Variants in ENTREP2 observed in about 807,000 individuals in gnomAD.
ENTREP2 encodes protein ENTREP2.
chr15:29,313,617 CT>C, the ENTREP2 span, among the ~76,000 whole-genome samples: 1 of 152,170 alleles, frequency 6.6e-6, no homozygotes, highest in Non-Finnish European at 1.5e-5. Flanking sequence ...AAAAATATGC[CT>C]TTCAAAGTAT....
At chr15:29,566,544 C>T in the ENTREP2 span, among the ~76,000 whole-genome samples, 1 of 152,026 alleles carries the variant, frequency 6.6e-6, no homozygotes, top group African/African-American at 2.4e-5. Context: ...GCAACCTCCG[C>T]CTCCTGGGCT....
chr15:29,137,058 C>G, the ENTREP2 span: 8 of 1,450,460 alleles, frequency 5.5e-6, no homozygotes, highest in Admixed American at 3.6e-5. Flanking sequence ...GGACGGTGTG[C>G]AGGTGTACTC....
chr15:29,337,280 C>T, the ENTREP2 span, among the ~76,000 whole-genome samples: 4 of 152,100 alleles, frequency 2.6e-5, 1 homozygote, highest in Admixed American at 2.6e-4. Context: ...CATCTGAAAT[C>T]ACACTGGAAA....
the ENTREP2 span, among the ~76,000 whole-genome samples, chr15:29,199,382 G>A: frequency 6.6e-6 from 1 of 152,210 alleles, no homozygotes; most frequent in East Asian, 1.9e-4. Context: ...GAAGTTCTAA[G>A]AGAATGGGAA....
the ENTREP2 span, among the ~76,000 whole-genome samples, chr15:29,405,160 G>A: frequency 3.3e-5 from 5 of 152,038 alleles, no homozygotes; most frequent in African/African-American, 9.7e-5. Context: ...AGGCCGAGGC[G>A]GGCAGATCAC....
chr15:29,298,441 ATAAT>A, the ENTREP2 span, among the ~76,000 whole-genome samples: 26 of 152,308 alleles, frequency 1.7e-4, 1 homozygote, highest in African/African-American at 6.3e-4. Context: ...CAATTCATTG[ATAAT>A]TAATAAAACT....
the ENTREP2 span, among the ~76,000 whole-genome samples, chr15:29,556,038 G>A: frequency 1.3e-5 from 2 of 152,206 alleles, no homozygotes; most frequent in African/African-American, 2.4e-5. Context: ...TGGGTCGCTT[G>A]AGCCCAGGAG....
the ENTREP2 span, among the ~76,000 whole-genome samples, chr15:29,223,881 T>C: frequency 6.6e-6 from 1 of 152,194 alleles, no homozygotes; most frequent in Admixed American, 6.5e-5. Flanking sequence ...GACAGAGGAC[T>C]GACAGACGTC....
At chr15:29,531,558 A>T in the ENTREP2 span, among the ~76,000 whole-genome samples, 20 of 152,164 alleles carry the variant, frequency 1.3e-4, no homozygotes, top group Non-Finnish European at 1.5e-5. Flanking sequence ...CCATTTTTAA[A>T]TTTTTTAATT....
chr15:29,604,364 CTT>C, the ENTREP2 span, among the ~76,000 whole-genome samples: 2 of 152,050 alleles, frequency 1.3e-5, no homozygotes, highest in Non-Finnish European at 2.9e-5. Flanking sequence ...TTGATGGAGT[CTT>C]TTAAAACTTA....
the ENTREP2 span, among the ~76,000 whole-genome samples, chr15:29,345,004 T>C: frequency 6.6e-6 from 1 of 151,002 alleles, no homozygotes; most frequent in Admixed American, 6.6e-5. Flanking sequence ...ATTACATAAC[T>C]TTCTGGAGGT....
chr15:29,535,743 T>TC, the ENTREP2 span, among the ~76,000 whole-genome samples: 1 of 139,138 alleles, frequency 7.2e-6, no homozygotes, highest in East Asian at 2.0e-4. Context: ...CCAAATATTC[T>TC]TTTTTTTTTT....
the ENTREP2 span, among the ~76,000 whole-genome samples, chr15:29,373,413 A>G: frequency 3.3e-5 from 5 of 152,248 alleles, no homozygotes; most frequent in East Asian, 9.7e-4. Flanking sequence ...TAGGGGAGCA[A>G]AAAGAAATTA....
chr15:29,225,441 G>A, the ENTREP2 span, among the ~76,000 whole-genome samples: 17 of 152,236 alleles, frequency 1.1e-4, no homozygotes, highest in African/African-American at 4.1e-4. Context: ...GATGAACCTT[G>A]AAGATCTTGT....
the ENTREP2 span, among the ~76,000 whole-genome samples, chr15:29,405,737 G>T: frequency 6.6e-6 from 1 of 152,234 alleles, no homozygotes; most frequent in Admixed American, 6.5e-5. Flanking sequence ...GCCCACCGGA[G>T]CAAGGGCCTG....
the ENTREP2 span, among the ~76,000 whole-genome samples, chr15:29,440,215 G>T: frequency 6.6e-6 from 1 of 152,112 alleles, no homozygotes; most frequent in Non-Finnish European, 1.5e-5. Context: ...CTGTAGTTTA[G>T]TTATTTTTAG....
At chr15:29,302,179 G>A in the ENTREP2 span, among the ~76,000 whole-genome samples, 3 of 151,984 alleles carry the variant, frequency 2.0e-5, no homozygotes, top group East Asian at 1.9e-4. Flanking sequence ...TCGAGTGGAA[G>A]CTTCTCTTCC....
chr15:29,322,845 C>T, the ENTREP2 span, among the ~76,000 whole-genome samples: 1 of 152,166 alleles, frequency 6.6e-6, no homozygotes, highest in African/African-American at 2.4e-5. Context: ...AAAGTAAGAT[C>T]ACAGATTGTT....
the ENTREP2 span, chr15:29,123,562 G>T: frequency 1.9e-6 from 3 of 1,551,758 alleles, no homozygotes; most frequent in Middle Eastern, 1.7e-4. Flanking sequence ...GAAGGGCTCT[G>T]GTGTTGGCCG....
Sources: allele counts gnomAD v4.1 joint callset (sites outside exome capture counted in the v4.1 genomes callset), GRCh38; gene constraint gnomAD v4.1.1; transcripts MANE v1.5; gene names NCBI Gene and HGNC (gene_info 2026-07-23, HGNC 2026-07-21).